The following LAMA2 variants were observed in gnomAD, a reference collection of about 807,000 sequenced individuals.
The protein encoded by LAMA2 is laminin subunit alpha-2.
Under a neutral mutation model 364.8 loss-of-function variants are expected in LAMA2, and 269 were observed. That is an observed-to-expected ratio of 0.74 (90% CI 0.67 to 0.82). The LOEUF (loss-of-function observed/expected upper bound fraction) is 0.82, where lower values mean the gene tolerates loss of function less well. Ranked by LOEUF, LAMA2 falls within the 40% of genes least tolerant of loss-of-function variation. The pLI is 0.00. For missense variants in LAMA2, 3,807 were observed against 3,873.2 expected (o/e 0.98, Z 0.45); for synonymous variants, 1,379 against 1,370.6 (o/e 1.01, Z -0.14).
intron 3 of LAMA2, among the ~76,000 whole-genome samples, chr6:129,097,739 G>T (rs1288054078): frequency 6.6e-6 from 1 of 152,104 alleles, no homozygotes; most frequent in Non-Finnish European, 1.5e-5. Flanking sequence ...GCACTTTTTT[G>T]AGGATTATGT....
At position 129,287,934 on chromosome 6, in the gene LAMA2, C is replaced by A. The variant is rs375932294; in HGVS notation, c.2625C>A (p.Ile875=). Residue 875 remains isoleucine (I), a synonymous_variant, in exon 19 of 65, where the codon ATC becomes ATA. Coordinates refer to ENST00000421865, the MANE Select transcript of LAMA2 (RefSeq NM_000426.4). ...CQCNDNLDFS[I]PGSCDSLSGS... The stretch of plus-strand genomic sequence containing the variant: ...GCAATGACAACCTTGACTTCTCCAT[C>A]CCTGGCAGCTGTGACAGCTTGTCTG... 6.2e-7 allele frequency: 1 copy of A among 1,614,116 alleles called. No individual in the cohort carries two copies. The highest frequency in any genetic ancestry group is 1.1e-5 in the South Asian group (1 of 91,088).
At chr6:129,386,109 T>C (rs1779001778) in intron 35 of LAMA2, among the ~76,000 whole-genome samples, 1 of 152,120 alleles carries the variant, frequency 6.6e-6, no homozygotes, top group Non-Finnish European at 1.5e-5. Flanking sequence ...TCCTTTTATT[T>C]TAATTTTATC....
intron 12 of LAMA2, among the ~76,000 whole-genome samples, chr6:129,244,084 G>A (rs931426047): frequency 6.6e-6 from 1 of 152,058 alleles, no homozygotes; most frequent in Non-Finnish European, 1.5e-5. Context: ...TTTCTAGAAT[G>A]TGTTGTCTCT....
At chr6:129,410,770 TAGAC>T (rs1377323182) in intron 40 of LAMA2, among the ~76,000 whole-genome samples, 15 of 152,052 alleles carry the variant, frequency 9.9e-5, no homozygotes, top group South Asian at 2.1e-4. Context: ...GATTAGATGA[TAGAC>T]AGAAAGAATA....
At chr6:128,929,160 G>A in intron 1 of LAMA2, 1 of 1,438,032 alleles carries the variant, frequency 7.0e-7, no homozygotes, top group Non-Finnish European at 9.8e-7. Flanking sequence ...TCCAATGGCC[G>A]GTAGATAAAA....
chr6:129,361,974 G>A (rs920184725), intron 32 of LAMA2, among the ~76,000 whole-genome samples: 15 of 151,642 alleles, frequency 9.9e-5, no homozygotes, highest in Admixed American at 7.9e-4. Context: ...AGTAGAGATG[G>A]GGTTTCACCA....
chr6:129,481,486 A>G (rs1368112811), intron 55 of LAMA2, 47 bp downstream of exon 55: 4 of 1,454,722 alleles, frequency 2.7e-6, no homozygotes, highest in Non-Finnish European at 3.9e-6. Flanking sequence ...ATGCTTATAT[A>G]AAGCAGTTAA....
intron 48 of LAMA2, among the ~76,000 whole-genome samples, chr6:129,459,371 C>A (rs1400871431): frequency 6.6e-6 from 1 of 152,052 alleles, no homozygotes; most frequent in Non-Finnish European, 1.5e-5. Flanking sequence ...TTACAACAAA[C>A]TTCTCTAGGA....
At chr6:129,017,968 T>C (rs922469592) in intron 1 of LAMA2, among the ~76,000 whole-genome samples, 2 of 151,966 alleles carry the variant, frequency 1.3e-5, no homozygotes, top group African/African-American at 4.8e-5. Context: ...CATCCTGAAA[T>C]CAGAAATTTT....
Position 129,473,568 on chromosome 6 carries a change from C to A in LAMA2, c.7439+216C>A, listed in dbSNP as rs139915374. Among the ~76,000 whole-genome samples the A allele has an allele frequency of 5.5e-3, 841 of 152,070 alleles. 9 individuals carry two copies. Among genetic ancestry groups the A allele is most frequent in the Non-Finnish European group, 8.0e-3 (540 of 67,908 alleles). ...CTTTGTTGAAGAGATGGATTGGAGT[C>A]GCTGTTTCCTTTATATGCACCTGCT... On this transcript the variant is annotated intron_variant, in intron 52 of 64. Transcript: ENST00000421865.
At chr6:128,896,604 A>C (rs1392147855) in intron 1 of LAMA2, among the ~76,000 whole-genome samples, 1 of 152,078 alleles carries the variant, frequency 6.6e-6, no homozygotes. Flanking sequence ...TTTTTCATTC[A>C]ACTTTTAGGG....
chr6:129,486,952 AGC>A (rs1784618355), intron 56 of LAMA2, among the ~76,000 whole-genome samples: 1 of 152,224 alleles, frequency 6.6e-6, no homozygotes, highest in Non-Finnish European at 1.5e-5. Context: ...GTATGCACAC[AGC>A]AAAACTCACA....
intron 12 of LAMA2, among the ~76,000 whole-genome samples, chr6:129,206,389 G>A (rs3778132): frequency 0.4 from 60,357 of 151,978 alleles, 15,235 homozygotes; most frequent in African/African-American, 0.73. Flanking sequence ...TATTTTAACT[G>A]GAATAGACTT....
At chr6:129,131,728 T>C (rs1166926371) in intron 4 of LAMA2, among the ~76,000 whole-genome samples, 1 of 152,232 alleles carries the variant, frequency 6.6e-6, no homozygotes, top group East Asian at 1.9e-4. Context: ...AACCTAAACC[T>C]TGGGGTACTG....
intron 1 of LAMA2, among the ~76,000 whole-genome samples, chr6:129,020,486 G>A (rs1287738571): frequency 6.6e-6 from 1 of 152,174 alleles, no homozygotes; most frequent in East Asian, 1.9e-4. Flanking sequence ...GATACGGAAG[G>A]AAGGAAATAA....
At chr6:129,056,774 A>G (rs1282517848) in intron 2 of LAMA2, among the ~76,000 whole-genome samples, 8 of 152,168 alleles carry the variant, frequency 5.3e-5, no homozygotes, top group African/African-American at 1.9e-4. Context: ...TCTGTCACCT[A>G]GGCTGGAGTG....
chr6:129,088,918 C>T (rs1774615398), intron 3 of LAMA2, among the ~76,000 whole-genome samples: 3 of 152,178 alleles, frequency 2.0e-5, no homozygotes, highest in Non-Finnish European at 2.9e-5. Flanking sequence ...GGGTGGCGGC[C>T]GGGCAGAGGC....
chr6:129,239,290 C>T (rs1185900107), intron 12 of LAMA2, among the ~76,000 whole-genome samples: 1 of 152,182 alleles, frequency 6.6e-6, no homozygotes, highest in Non-Finnish European at 1.5e-5. Context: ...TAGTCCAGTT[C>T]TAGAACTGTA....
intron 22 of LAMA2, among the ~76,000 whole-genome samples, chr6:129,302,552 G>A (rs1314264144): frequency 6.6e-6 from 1 of 151,922 alleles, no homozygotes; most frequent in Non-Finnish European, 1.5e-5. Flanking sequence ...AGAAAGACAA[G>A]GTCCAAAGAT....
Sources: allele counts gnomAD v4.1 joint callset (sites outside exome capture counted in the v4.1 genomes callset), GRCh38; gene constraint gnomAD v4.1.1; transcripts MANE v1.5; gene names NCBI Gene and HGNC (gene_info 2026-07-23, HGNC 2026-07-21).